Variants in NAV3 observed in about 807,000 individuals in gnomAD.
The protein encoded by NAV3 is neuron navigator 3.
Under a neutral mutation model 244.7 loss-of-function variants are expected in NAV3, and 87 were observed. The observed-to-expected ratio is 0.36, with a 90% CI of 0.30 to 0.42. The LOEUF (loss-of-function observed/expected upper bound fraction) is 0.42, where lower values mean the gene tolerates loss of function less well. Among genes scored for constraint, NAV3 ranks in the 20% least tolerant of loss-of-function variants. The pLI, the probability that NAV3 is intolerant of heterozygous loss-of-function variation, is 1.00. For synonymous variants in NAV3, 1,126 were observed against 1,042.2 expected (o/e 1.08, Z -1.55); for missense variants, 2,663 against 2,893.3 (o/e 0.92, Z 1.83).
intron 2 of NAV3, among the ~76,000 whole-genome samples, chr12:77,789,326 A>G (rs1341768436): frequency 3.9e-5 from 6 of 152,056 alleles, no homozygotes; most frequent in Admixed American, 1.3e-4. Context: ...TCCCTTACCA[A>G]TGACACTCCA....
chr12:78,123,797 T>C (rs912076075), intron 16 of NAV3, among the ~76,000 whole-genome samples: 2 of 152,242 alleles, frequency 1.3e-5, no homozygotes, highest in African/African-American at 4.8e-5. Flanking sequence ...TGCTGTTATA[T>C]GCTATTATAG....
At chr12:77,598,073 T>A (rs1050198067) in intron 2 of NAV3, among the ~76,000 whole-genome samples, 3 of 152,076 alleles carry the variant, frequency 2.0e-5, no homozygotes, top group Non-Finnish European at 4.4e-5. Context: ...CTAGGAATAG[T>A]TTAAAATTGT....
At chr12:77,839,589 G>T (rs1373606889) in intron 1 of NAV3, among the ~76,000 whole-genome samples, 5 of 152,182 alleles carry the variant, frequency 3.3e-5, no homozygotes, top group Non-Finnish European at 4.4e-5. Flanking sequence ...AAGAGATATT[G>T]CTTATAAACT....
chr12:78,006,811 G>A lies in NAV3; in HGVS notation c.1273G>A (p.Gly425Ser), dbSNP rs2136571782. ...DAFSESGEME[G>S]FNSGLNSGGS... ...CTTTTCTGAATCTGGTGAAATGGAA[G>A]GTTTTAACAGTGGTCTGAATAGTGG... Residue 425 changes from glycine to serine, a missense_variant, in exon 8 of 40, where the codon GGT becomes AGT. Physicochemically the swap from Gly to Ser is moderately conservative, Grantham distance 56 (BLOSUM62 0). Around this residue, in one of 6 missense-constraint regions of NAV3, gnomAD observed 1,521 missense variants for 1,497.0 expected, o/e 1.02. Coordinates refer to ENST00000397909, the MANE Select transcript of NAV3 (RefSeq NM_001024383.2). The A allele has an allele frequency of 1.2e-6, 2 of 1,614,162 alleles. No individual in the cohort carries two copies. Among genetic ancestry groups the A allele is most frequent in the Non-Finnish European group, 1.7e-6 (2 of 1,180,034 alleles).
At chr12:77,956,270 T>G (rs1386698977) in intron 3 of NAV3, among the ~76,000 whole-genome samples, 1 of 152,194 alleles carries the variant, frequency 6.6e-6, no homozygotes, top group Non-Finnish European at 1.5e-5. Flanking sequence ...GGCGCTAGTA[T>G]TACATGTTTA....
chr12:78,104,299 C>T (rs1280982133), intron 12 of NAV3, among the ~76,000 whole-genome samples: 1 of 152,172 alleles, frequency 6.6e-6, no homozygotes, highest in African/African-American at 2.4e-5. Flanking sequence ...AGTGCTATTA[C>T]ATCAAAAAAG....
intron 23 of NAV3, among the ~76,000 whole-genome samples, chr12:78,162,674 G>A (rs970651924): frequency 4.0e-5 from 6 of 150,786 alleles, no homozygotes; most frequent in Non-Finnish European, 3.0e-5. Context: ...GACCAGCCTG[G>A]CCAACATAGT....
intron 2 of NAV3, among the ~76,000 whole-genome samples, chr12:77,724,782 A>C (rs555830410): frequency 6.6e-6 from 1 of 152,110 alleles, no homozygotes; most frequent in African/African-American, 2.4e-5. Flanking sequence ...GAAATATTTG[A>C]GAACATAATA....
intron 2 of NAV3, among the ~76,000 whole-genome samples, chr12:77,604,810 T>G (rs1433466391): frequency 1.3e-5 from 2 of 152,074 alleles, no homozygotes; most frequent in African/African-American, 4.8e-5. Flanking sequence ...TTGGGGATAT[T>G]TAGGTAGCTT....
chr12:77,683,552 G>C (rs969916225), intron 2 of NAV3, among the ~76,000 whole-genome samples: 1 of 152,050 alleles, frequency 6.6e-6, no homozygotes, highest in South Asian at 2.1e-4. Flanking sequence ...TTATATTTCC[G>C]TGAAAAATGT....
chr12:77,742,507 CA>C (rs534955688), intron 2 of NAV3, among the ~76,000 whole-genome samples: 44 of 150,258 alleles, frequency 2.9e-4, no homozygotes, highest in Admixed American at 2.4e-3. Flanking sequence ...TTAGAAATAT[CA>C]AAAAAAATAA....
In NAV3 at chr12:77,753,547, T is replaced by C. The variant is rs74329277; in HGVS notation, c.72+181281T>C. On this transcript the variant is annotated intron_variant, in intron 2 of 8. Coordinates refer to the NAV3 transcript ENST00000550042. The stretch of plus-strand genomic sequence containing the variant: ...CTTAAAGACAATCCCTAGGTCTACA[T>C]CTACTGCTGATTTTGCAGTTTTTAC... 3.9e-3 allele frequency among the ~76,000 whole-genome samples: 601 copies of C among 152,280 alleles called. 1 individual carries two copies. The highest frequency in any genetic ancestry group is 0.012 in the African/African-American group (509 of 41,558).
At chr12:77,622,383 TCTC>T (rs1871412373) in intron 2 of NAV3, among the ~76,000 whole-genome samples, 2 of 151,860 alleles carry the variant, frequency 1.3e-5, no homozygotes, top group Admixed American at 6.6e-5. Context: ...ATGGTCTCGA[TCTC>T]CTGACCTTGT....
intron 1 of NAV3, 83 bp from the exon 2 acceptor site, chr12:77,940,236 T>G: frequency 1.0e-6 from 1 of 985,680 alleles, no homozygotes; most frequent in South Asian, 1.5e-5. Context: ...AGCTTCCCTT[T>G]GAATCCAACA....
At chr12:77,852,801 A>G (rs1297666376) in intron 1 of NAV3, among the ~76,000 whole-genome samples, 2 of 152,188 alleles carry the variant, frequency 1.3e-5, no homozygotes, top group African/African-American at 4.8e-5. Context: ...TACAATTACA[A>G]TTTAGATTCC....
chr12:77,640,116 T>C (rs534847700), intron 2 of NAV3, among the ~76,000 whole-genome samples: 7 of 152,280 alleles, frequency 4.6e-5, no homozygotes, highest in African/African-American at 1.7e-4. Context: ...ACACATGTAG[T>C]TTGTTTGTTC....
chr12:78,198,690 G>T lies in NAV3; in HGVS notation c.6518+14G>T. The stretch of plus-strand genomic sequence containing the variant: ...TCACAATTTCAGGTAAAGTTAAGTT[G>T]AAGGTTTTTTTGTTTTGTTTTTTTG... On this transcript the variant is annotated intron_variant, in intron 36 of 39. Coordinates refer to ENST00000397909, the MANE Select transcript of NAV3 (RefSeq NM_001024383.2). The T allele has an allele frequency of 8.0e-7, 1 of 1,252,002 alleles. No individual in the cohort carries two copies. Among genetic ancestry groups the T allele is most frequent in the South Asian group, 1.3e-5 (1 of 79,560 alleles). 77.6% of individuals were successfully genotyped at this position (1,252,002 alleles called of 1,614,324 possible). A position where few individuals can be genotyped will look rare whatever the true frequency, so the allele number is the denominator to read the frequency against.
At chr12:77,603,854 T>C (rs1228488833) in intron 2 of NAV3, among the ~76,000 whole-genome samples, 1 of 152,042 alleles carries the variant, frequency 6.6e-6, no homozygotes, top group Non-Finnish European at 1.5e-5. Flanking sequence ...ATGCTTAAGT[T>C]ATAGGAGGGA....
chr12:77,960,436 C>CAT (rs199807831), intron 3 of NAV3, among the ~76,000 whole-genome samples: 39 of 136,424 alleles, frequency 2.9e-4, no homozygotes, highest in East Asian at 1.3e-3. Context: ...TCTGGCCAGT[C>CAT]ATATATATAT....
Sources: gnomAD v4.1 joint callset for allele counts (sites outside exome capture counted in the v4.1 genomes callset) on GRCh38, gnomAD v4.1.1 for gene constraint, gnomAD v4.1.1 regional missense constraint, MANE v1.5 for transcripts, NCBI Gene and HGNC (gene_info 2026-07-23, HGNC 2026-07-21) for gene names.